PLCL1: variants seen among roughly 807,000 people sequenced by gnomAD.
The protein encoded by PLCL1 is inactive phospholipase C-like protein 1.
In PLCL1, 41 loss-of-function variants were observed where a neutral mutation model predicts 84.4. That is an observed-to-expected ratio of 0.49 (90% CI 0.38 to 0.63). The LOEUF (loss-of-function observed/expected upper bound fraction) is 0.63, where lower values mean the gene tolerates loss of function less well. PLCL1 is among the 30% of genes least tolerant of loss of function. PLCL1 has a pLI of 0.00. For synonymous variants in PLCL1, 490 were observed against 488.3 expected (o/e 1.00, Z -0.05); for missense variants, 1,206 against 1,367.8 (o/e 0.88, Z 1.87).
chr2:198,032,452 G>T (rs1691452179), intron 1 of PLCL1, among the ~76,000 whole-genome samples: 1 of 152,200 alleles, frequency 6.6e-6, no homozygotes, highest in Admixed American at 6.5e-5. Context: ...TGGCTTTCAT[G>T]AAGACAAAAG....
chr2:198,094,917 A>G (rs1326907466), intron 3 of PLCL1, among the ~76,000 whole-genome samples: 2 of 152,206 alleles, frequency 1.3e-5, no homozygotes, highest in Non-Finnish European at 2.9e-5. Flanking sequence ...CTTTGCTGAT[A>G]TAAAACGTGT....
intron 1 of PLCL1, among the ~76,000 whole-genome samples, chr2:198,043,538 C>G (rs771335123): frequency 6.6e-5 from 10 of 152,146 alleles, no homozygotes; most frequent in Non-Finnish European, 1.5e-4. Context: ...GGCAAGGCTG[C>G]GTAATTTTGT....
chr2:197,895,548 A>G (rs980376013), intron 1 of PLCL1, among the ~76,000 whole-genome samples: 4 of 151,988 alleles, frequency 2.6e-5, no homozygotes, highest in Non-Finnish European at 5.9e-5. Flanking sequence ...ATAAGTATAT[A>G]CTACTATCAT....
chr2:197,869,805 C>T (rs1292871214), intron 1 of PLCL1, among the ~76,000 whole-genome samples: 1 of 152,150 alleles, frequency 6.6e-6, no homozygotes, highest in Non-Finnish European at 1.5e-5. Flanking sequence ...GTAAAAACAG[C>T]AGCAACAGCT....
intron 5 of PLCL1, among the ~76,000 whole-genome samples, chr2:198,145,027 A>C (rs1252196257): frequency 6.6e-6 from 1 of 152,166 alleles, no homozygotes; most frequent in Non-Finnish European, 1.5e-5. Flanking sequence ...GAATAATGAA[A>C]GTACCCATCT....
chr2:197,867,988 A>T (rs891886961), intron 1 of PLCL1, among the ~76,000 whole-genome samples: 11 of 152,232 alleles, frequency 7.2e-5, no homozygotes, highest in Non-Finnish European at 1.3e-4. Context: ...TACTTTAAAC[A>T]TGACAATGAT....
chr2:198,042,844 G>T (rs568487584), intron 1 of PLCL1, among the ~76,000 whole-genome samples: 2 of 152,280 alleles, frequency 1.3e-5, no homozygotes, highest in African/African-American at 2.4e-5. Context: ...AGGAAGAAAA[G>T]AGGTCATTTG....
chr2:197,975,199 G>A (rs1457855267), intron 1 of PLCL1, among the ~76,000 whole-genome samples: 1 of 147,164 alleles, frequency 6.8e-6, no homozygotes, highest in Non-Finnish European at 1.5e-5. Context: ...ATTATTGAGT[G>A]TCCACGAAAT....
intron 1 of PLCL1, among the ~76,000 whole-genome samples, chr2:198,009,114 C>T (rs536183961): frequency 5.5e-4 from 83 of 151,934 alleles, no homozygotes; most frequent in African/African-American, 2.0e-3. Context: ...ATATTATTTG[C>T]AATTATTTTC....
At chr2:197,962,514 T>C (rs1689644246) in intron 1 of PLCL1, among the ~76,000 whole-genome samples, 1 of 152,138 alleles carries the variant, frequency 6.6e-6, no homozygotes, top group Admixed American at 6.5e-5. Flanking sequence ...GATATTTCGG[T>C]ACAGGCACAC....
intron 1 of PLCL1, among the ~76,000 whole-genome samples, chr2:197,939,917 A>C (rs185416678): frequency 0.014 from 2,206 of 152,150 alleles, 36 homozygotes; most frequent in African/African-American, 0.04. Flanking sequence ...AACAACCCCC[A>C]AAAACAGCAC....
chr2:198,089,502 A>G (rs1574304035), intron 3 of PLCL1, among the ~76,000 whole-genome samples: 1 of 152,298 alleles, frequency 6.6e-6, no homozygotes. Flanking sequence ...ATGGTCCAAA[A>G]TGGGTGCTGA....
chr2:197,845,388 T>A (rs1687100574), intron 1 of PLCL1, among the ~76,000 whole-genome samples: 1 of 151,994 alleles, frequency 6.6e-6, no homozygotes, highest in Admixed American at 6.6e-5. Flanking sequence ...TGAGTTAGAC[T>A]TTGGAAGTAG....
intron 1 of PLCL1, among the ~76,000 whole-genome samples, chr2:198,033,859 G>A (rs1303644178): frequency 6.6e-6 from 1 of 152,010 alleles, no homozygotes; most frequent in Non-Finnish European, 1.5e-5. Flanking sequence ...TTGGCTGACT[G>A]TGCATTAGAA....
At chr2:198,090,713 T>G (rs998634021) in intron 3 of PLCL1, among the ~76,000 whole-genome samples, 2 of 152,240 alleles carry the variant, frequency 1.3e-5, no homozygotes, top group Non-Finnish European at 2.9e-5. Flanking sequence ...TAGGTATAAT[T>G]GCCATCTAAG....
chr2:197,937,602 TG>T, intron 1 of PLCL1, among the ~76,000 whole-genome samples: 1 of 152,224 alleles, frequency 6.6e-6, no homozygotes, highest in Non-Finnish European at 1.5e-5. Flanking sequence ...CTACTTCTGT[TG>T]ATTTGGGTCA....
chr2:198,049,930 T>A (rs1045548201), intron 1 of PLCL1, among the ~76,000 whole-genome samples: 1 of 152,134 alleles, frequency 6.6e-6, no homozygotes, highest in Admixed American at 6.5e-5. Context: ...CTAGTAAATA[T>A]GAGAATTGAT....
intron 1 of PLCL1, among the ~76,000 whole-genome samples, chr2:198,063,507 G>A (rs1441098241): frequency 6.6e-6 from 1 of 152,148 alleles, no homozygotes; most frequent in Non-Finnish European, 1.5e-5. Context: ...AAGTATGATA[G>A]CATTGATTAA....
chr2:198,088,402 A>G (rs1692938715), intron 2 of PLCL1, among the ~76,000 whole-genome samples: 1 of 152,230 alleles, frequency 6.6e-6, no homozygotes, highest in African/African-American at 2.4e-5. Context: ...TCTACATGAA[A>G]TGTGCTTTCA....
Sources: gnomAD v4.1 joint callset for allele counts (sites outside exome capture counted in the v4.1 genomes callset) on GRCh38, gnomAD v4.1.1 for gene constraint, MANE v1.5 for transcripts, NCBI Gene and HGNC (gene_info 2026-07-23, HGNC 2026-07-21) for gene names.